CERT1: variants seen among roughly 807,000 people sequenced by gnomAD.
CERT1 encodes ceramide transporter 1, also known as ceramide transfer protein.
In CERT1, 31 loss-of-function variants were observed where a neutral mutation model predicts 87.9. The ratio of observed to expected loss-of-function variants is 0.35; its 90% CI spans 0.27 to 0.48. The LOEUF is 0.48. Ranked by LOEUF, CERT1 falls within the 20% of genes least tolerant of loss-of-function variation. The pLI is 0.99. For missense variants in CERT1, 487 were observed against 758.0 expected (o/e 0.64, Z 4.20); for synonymous variants, 289 against 250.9 (o/e 1.15, Z -1.44).
At chr5:75,435,811 T>A (rs1764072480) in intron 3 of CERT1, among the ~76,000 whole-genome samples, 1 of 152,072 alleles carries the variant, frequency 6.6e-6, no homozygotes, top group Admixed American at 6.5e-5. Context: ...GCATTCCCAG[T>A]CTGCTGGTAA....
rs137878470 is a variant in CERT1 at position 75,470,432 on chromosome 5, T to C, written c.232-11251A>G. ...ACACATACATGGAAATTAAACATCATGATCAAGTGATGCAATGATCCAACA... is the reference window on the plus strand; with the variant it reads ...ACACATACATGGAAATTAAACATCACGATCAAGTGATGCAATGATCCAACA... On this transcript the variant is annotated intron_variant, in intron 2 of 16. Transcript: ENST00000643780. Among the ~76,000 whole-genome samples, 27 of 152,280 alleles carry C rather than the reference T, an allele frequency of 1.8e-4. No individual in the cohort carries two copies. The East Asian group carries it at 4.8e-3, about 27-fold the overall frequency.
chr5:75,473,976 G>A (rs1240663208), intron 2 of CERT1, among the ~76,000 whole-genome samples: 5 of 152,232 alleles, frequency 3.3e-5, no homozygotes, highest in Non-Finnish European at 1.5e-5. Context: ...TTTATACTCA[G>A]TACCTGTTCT....
intron 7 of CERT1, 117 bp downstream of exon 7, chr5:75,416,759 T>C: frequency 1.2e-6 from 1 of 824,092 alleles, no homozygotes; most frequent in Non-Finnish European, 1.9e-6. Context: ...AGTAGTATCA[T>C]CTGCTATTTC....
At chr5:75,479,888 A>G (rs906033035) in intron 2 of CERT1, among the ~76,000 whole-genome samples, 1 of 152,162 alleles carries the variant, frequency 6.6e-6, no homozygotes, top group African/African-American at 2.4e-5. Context: ...CAATGGTTGA[A>G]CTAATTTATG....
chr5:75,460,636 G>C (rs1286269043), intron 2 of CERT1, among the ~76,000 whole-genome samples: 1 of 152,174 alleles, frequency 6.6e-6, no homozygotes, highest in Non-Finnish European at 1.5e-5. Flanking sequence ...TAACCTTGGA[G>C]GGAAAAGAAT....
At chr5:75,455,116 C>T (rs566452287) in intron 3 of CERT1, among the ~76,000 whole-genome samples, 5 of 152,282 alleles carry the variant, frequency 3.3e-5, no homozygotes, top group South Asian at 4.1e-4. Flanking sequence ...CAAATAGATG[C>T]GATGCAATGC....
Position 75,379,088 on chromosome 5 carries a change from T to C in CERT1, c.*258A>G. 3.0e-6 allele frequency: 1 copy of C among 335,628 alleles called. No homozygotes were observed. The highest frequency in any genetic ancestry group is 5.5e-6 in the Non-Finnish European group (1 of 183,004). 20.8% of individuals were successfully genotyped at this position (335,628 alleles called of 1,614,324 possible). A position where few individuals can be genotyped will look rare whatever the true frequency, so the allele number is the denominator to read the frequency against. ...CTCCCAGCTACTGGGAAGGCTGAGA[T>C]GAGAGGATTGTTTGAGGCCAGAGGT... On this transcript the variant is annotated 3_prime_UTR_variant, in exon 17 of 17. Coordinates refer to ENST00000643780, the MANE Select transcript of CERT1 (RefSeq NM_001379029.1).
Position 75,381,113 on chromosome 5 carries a change from C to A in CERT1, c.1706G>T (p.Ser569Ile). 1.2e-6 allele frequency: 2 copies of A among 1,614,120 alleles called. No homozygotes were observed. The highest frequency in any genetic ancestry group is 2.2e-5 in the East Asian group (1 of 44,872). Residue 569 changes from serine to isoleucine, a missense_variant, in exon 16 of 17, where the codon AGC becomes ATC. This residue lies in a region of CERT1 where 147 missense variants were observed against 200.8 expected (regional missense o/e 0.73). Transcript: ENST00000643780. Reference protein sequence around the residue: ...VSPPEGNQEISRDNILCKITY... With the variant: ...VSPPEGNQEIIRDNILCKITY... Reference sequence around the variant, plus strand: ...AATCTTGCATAGAATGTTGTCCCTGCTAATTTCCTGGTTTCCCTCTGGTGG... The same window carrying A: ...AATCTTGCATAGAATGTTGTCCCTGATAATTTCCTGGTTTCCCTCTGGTGG...
rs554334732 is a variant in CERT1, at chr5:75,490,211, G to A, written c.231+15771C>T. Among the ~76,000 whole-genome samples the A allele has an allele frequency of 6.6e-4, 101 of 152,296 alleles. 1 individual carries two copies. Among genetic ancestry groups the A allele is most frequent in the African/African-American group, 2.4e-3 (98 of 41,572 alleles). ...GGGCCTGTCGGGAGGTTGGGGACAA[G>A]GGGAGGCATAGCATTAGCAGAAATA... On this transcript the variant is annotated intron_variant, in intron 2 of 16. Transcript: ENST00000643780.
chr5:75,374,105 T>C (rs988910445), downstream of CERT1: 2 of 398,736 alleles, frequency 5.0e-6, no homozygotes, highest in African/African-American at 2.1e-5. Flanking sequence ...GACAAGGCTA[T>C]AGATCCTACG....
At chr5:75,488,939 A>G (rs1162412268) in intron 2 of CERT1, among the ~76,000 whole-genome samples, 1 of 152,152 alleles carries the variant, frequency 6.6e-6, no homozygotes, top group Non-Finnish European at 1.5e-5. Flanking sequence ...CCATATAGCC[A>G]AGACAATCCT....
intron 3 of CERT1, among the ~76,000 whole-genome samples, chr5:75,456,287 C>A (rs559927572): frequency 6.6e-6 from 1 of 152,104 alleles, no homozygotes; most frequent in African/African-American, 2.4e-5. Context: ...AGTTGGCATA[C>A]ATCACATATT....
Position 75,511,511 on chromosome 5 carries a change from T to C in CERT1, c.-304A>G. ...TGCCACCCGAACTTAGCCCCCTCGA[T>C]GCCAATTTCAAATAGGGAAGGAAAA... On this transcript the variant is annotated 5_prime_UTR_variant, in exon 1 of 17. Coordinates refer to ENST00000643780, the MANE Select transcript of CERT1 (RefSeq NM_001379029.1). 1 of 1,475,594 alleles carries C rather than the reference T, an allele frequency of 6.8e-7. No individual in the cohort carries two copies. The highest frequency in any genetic ancestry group is 9.0e-7 in the Non-Finnish European group (1 of 1,115,006). The allele number at this position is 1,475,594 out of a possible 1,614,324, so 91.4% of individuals were successfully genotyped here.
chr5:75,381,213 A>G lies in CERT1; in HGVS notation c.1618-12T>C. 1.9e-6 allele frequency: 3 copies of G among 1,614,076 alleles called. No homozygotes were observed. The highest frequency in any genetic ancestry group is 2.5e-6 in the Non-Finnish European group (3 of 1,179,974). ...CATCGGTTGTTTAGCTGCCAAAACA[A>G]AAAACAAAGCATCAGTAGATACCCA... On this transcript the variant is annotated splice_polypyrimidine_tract_variant and intron_variant, in intron 15 of 16. Coordinates refer to ENST00000643780, the MANE Select transcript of CERT1 (RefSeq NM_001379029.1).
At chr5:75,428,406 C>T (rs955056331) in intron 3 of CERT1, among the ~76,000 whole-genome samples, 7 of 152,028 alleles carry the variant, frequency 4.6e-5, no homozygotes, top group Admixed American at 2.0e-4. Context: ...TGGCCGGGTG[C>T]GGTGGCTCAC....
At position 75,379,143 on chromosome 5, in the gene CERT1, T is replaced by A. The variant is rs1040135463; in HGVS notation, c.*203A>T. 5 of 511,012 alleles carry A rather than the reference T, an allele frequency of 9.8e-6. No individual in the cohort carries two copies. The highest frequency in any genetic ancestry group is 1.7e-5 in the Non-Finnish European group (5 of 288,014). 31.7% of individuals were successfully genotyped at this position (511,012 alleles called of 1,614,324 possible). ...GTTGCAGTGAGCCGTGATGGTGTCATTGCACTTCAGCTTAGGAAACAGAGC... is the reference window on the plus strand; with the variant it reads ...GTTGCAGTGAGCCGTGATGGTGTCAATGCACTTCAGCTTAGGAAACAGAGC... On this transcript the variant is annotated 3_prime_UTR_variant, in exon 17 of 17. Coordinates refer to ENST00000643780, the MANE Select transcript of CERT1 (RefSeq NM_001379029.1).
At chr5:75,401,727 G>C (rs908227018) in intron 9 of CERT1, 3 of 152,112 alleles carry the variant, frequency 2.0e-5, no homozygotes, top group Non-Finnish European at 4.4e-5. Flanking sequence ...AATAACGAAA[G>C]ATACACATGA....
At chr5:75,392,969 CAAAAAAA>C (rs1198217217) in intron 11 of CERT1, among the ~76,000 whole-genome samples, 2 of 8,690 alleles carry the variant, frequency 2.3e-4, no homozygotes, top group Non-Finnish European at 3.7e-4. Flanking sequence ...GACTCCGTCT[CAAAAAAA>C]AAAAAAAAAA....
intron 11 of CERT1, 71 bp from the exon 12 acceptor site, chr5:75,389,758 A>G: frequency 8.8e-7 from 1 of 1,138,300 alleles, no homozygotes; most frequent in Admixed American, 1.8e-5. Context: ...AATGGTCTTC[A>G]GTTAACTTCA....
Sources: gnomAD v4.1 joint callset for allele counts (sites outside exome capture counted in the v4.1 genomes callset) on GRCh38, gnomAD v4.1.1 for gene constraint, gnomAD v4.1.1 regional missense constraint, MANE v1.5 for transcripts, NCBI Gene and HGNC (gene_info 2026-07-23, HGNC 2026-07-21) for gene names.